Variants in ARHGEF3 observed in about 807,000 individuals in gnomAD.
ARHGEF3 encodes the protein Rho guanine nucleotide exchange factor 3.
Under a neutral mutation model 63.2 loss-of-function variants are expected in ARHGEF3, and 28 were observed. The observed-to-expected ratio is 0.44, with a 90% CI of 0.33 to 0.61. The LOEUF is 0.61. Among genes scored for constraint, ARHGEF3 ranks in the 20% least tolerant of loss-of-function variants. The probability of loss-of-function intolerance (pLI) is 0.03; values close to 1 mark genes in which losing one functional copy is unlikely to be tolerated. For synonymous variants in ARHGEF3, 266 were observed against 254.2 expected, an observed-to-expected ratio of 1.05 and a Z score of -0.44; for missense variants, 533 against 659.3, an observed-to-expected ratio of 0.81 and a Z score of 2.10.
chr3:56,901,749 A>G (rs969207905), intron 3 of ARHGEF3, among the ~76,000 whole-genome samples: 2 of 151,774 alleles, frequency 1.3e-5, no homozygotes, highest in African/African-American at 4.8e-5. Flanking sequence ...ATACCCCACT[A>G]ATTTTTTTAT....
intron 8 of ARHGEF3, among the ~76,000 whole-genome samples, chr3:56,733,197 G>A (rs987785568): frequency 6.7e-6 from 1 of 149,494 alleles, no homozygotes; most frequent in African/African-American, 2.5e-5. Flanking sequence ...GCAGGAGAAT[G>A]ACATGAACCC....
At chr3:56,939,369 G>A (rs755394661) in intron 3 of ARHGEF3, among the ~76,000 whole-genome samples, 113 of 152,268 alleles carry the variant, frequency 7.4e-4, no homozygotes, top group Non-Finnish European at 1.3e-3. Flanking sequence ...TTTGGAGGTA[G>A]CAAGATCACT....
In ARHGEF3 at chr3:56,748,551, T is replaced by A. The variant is rs769741537; in HGVS notation, c.612+2505A>T. Among the ~76,000 whole-genome samples the A allele has an allele frequency of 3.9e-3, 131 of 33,372 alleles. 1 individual carries two copies. The African/African-American group carries it at 0.052, about 13-fold the overall frequency. 21.9% of individuals were successfully genotyped at this position (33,372 alleles called of 152,430 possible). On this transcript the variant is annotated intron_variant, in intron 6 of 9. Transcript: ENST00000296315. ...CCCCTAATATTGTGAAAAAATCTAT[T>A]TTTTTTTTTTTTTTTGCTTCCATGT...
At chr3:56,930,183 G>A (rs1304113313) in intron 3 of ARHGEF3, among the ~76,000 whole-genome samples, 2 of 151,832 alleles carry the variant, frequency 1.3e-5, no homozygotes, top group Non-Finnish European at 2.9e-5. Flanking sequence ...GGCTGGAGTT[G>A]GCTGTCCTGT....
intron 4 of ARHGEF3, among the ~76,000 whole-genome samples, chr3:56,816,735 G>C (rs891374021): frequency 1.3e-5 from 2 of 152,214 alleles, no homozygotes; most frequent in African/African-American, 4.8e-5. Flanking sequence ...CTTGCCCAAA[G>C]TCACACAGCT....
chr3:56,751,177 T>C (rs1453967851), intron 5 of ARHGEF3, 45 bp from the exon 6 acceptor site: 1 of 1,594,718 alleles, frequency 6.3e-7, no homozygotes, highest in Non-Finnish European at 8.6e-7. Context: ...CATTCAAATA[T>C]GAACAGGGCT....
intron 2 of ARHGEF3, among the ~76,000 whole-genome samples, chr3:56,970,379 A>G (rs9874166): frequency 0.87 from 132,450 of 152,154 alleles, 59,645 homozygotes; most frequent in Non-Finnish European, 0.99. Context: ...GAGAAAATTC[A>G]GTAAATAAGC....
chr3:56,896,899 T>G (rs1171362126), intron 3 of ARHGEF3, among the ~76,000 whole-genome samples: 1 of 152,230 alleles, frequency 6.6e-6, no homozygotes, highest in Admixed American at 6.5e-5. Context: ...TGGCTTAGAC[T>G]ATTTAGTTGA....
intron 2 of ARHGEF3, among the ~76,000 whole-genome samples, chr3:56,961,076 G>A (rs903810293): frequency 6.6e-6 from 1 of 152,124 alleles, no homozygotes; most frequent in African/African-American, 2.4e-5. Context: ...TTCAATTACA[G>A]ATGTGCCCAG....
intron 2 of ARHGEF3, among the ~76,000 whole-genome samples, chr3:57,031,810 T>A (rs1327627602): frequency 6.6e-6 from 1 of 152,146 alleles, no homozygotes; most frequent in Non-Finnish European, 1.5e-5. Flanking sequence ...AAGAGGTAGC[T>A]GTGATGCTGT....
chr3:56,812,748 T>A (rs79799846), intron 4 of ARHGEF3, among the ~76,000 whole-genome samples: 5,334 of 152,324 alleles, frequency 0.035, 305 homozygotes, highest in African/African-American at 0.12. Context: ...TCAAGGCTGA[T>A]GATAAATTAT....
At chr3:56,754,166 G>A (rs1458715949) in intron 3 of ARHGEF3, among the ~76,000 whole-genome samples, 1 of 152,176 alleles carries the variant, frequency 6.6e-6, no homozygotes, top group South Asian at 2.1e-4. Flanking sequence ...AATTATAGGC[G>A]CTGGCTGTGT....
intron 2 of ARHGEF3, among the ~76,000 whole-genome samples, chr3:56,992,435 C>T (rs1701800777): frequency 7.0e-6 from 1 of 142,394 alleles, no homozygotes; most frequent in Non-Finnish European, 1.5e-5. Context: ...GTCATGTGGC[C>T]TCCAGCATCT....
intron 2 of ARHGEF3, among the ~76,000 whole-genome samples, chr3:56,992,902 C>T (rs570140929): frequency 2.0e-5 from 3 of 152,138 alleles, no homozygotes; most frequent in Non-Finnish European, 2.9e-5. Context: ...GGCGCTATCT[C>T]GGCTCACTGC....
chr3:56,993,277 C>T (rs981780128), intron 2 of ARHGEF3, among the ~76,000 whole-genome samples: 1 of 152,202 alleles, frequency 6.6e-6, no homozygotes, highest in African/African-American at 2.4e-5. Flanking sequence ...TTTTTGCTCT[C>T]TTTCCTGGCA....
At position 56,967,806 on chromosome 3, in the gene ARHGEF3, AAT is replaced by A. The variant is rs1261905451; in HGVS notation, c.63-8919_63-8918del. The stretch of plus-strand genomic sequence containing the variant: ...TATGATTATATATTACATATTATAT[AAT>A]ATATATTATATAATATAATATATAT... On this transcript the variant is annotated intron_variant, in intron 2 of 12. Coordinates refer to the ARHGEF3 transcript ENST00000338458. Among the ~76,000 whole-genome samples, 50 of 68,900 alleles carry A rather than the reference AAT, an allele frequency of 7.3e-4. No homozygotes were observed. The East Asian group carries it at 0.017, about 24-fold the overall frequency. 45.2% of individuals were successfully genotyped at this position (68,900 alleles called of 152,430 possible).
intron 3 of ARHGEF3, among the ~76,000 whole-genome samples, chr3:56,932,972 T>C (rs1450680881): frequency 6.6e-6 from 1 of 152,214 alleles, no homozygotes; most frequent in Non-Finnish European, 1.5e-5. Flanking sequence ...GAGAGGAATG[T>C]AGTCATTTGT....
chr3:57,055,675 G>A (rs1010338722), intron 1 of ARHGEF3, among the ~76,000 whole-genome samples: 1 of 152,024 alleles, frequency 6.6e-6, no homozygotes, highest in African/African-American at 2.4e-5. Context: ...CACAAACCAG[G>A]CACACAAAAA....
chr3:56,829,167 C>T (rs1300312597), intron 4 of ARHGEF3, among the ~76,000 whole-genome samples: 1 of 152,144 alleles, frequency 6.6e-6, no homozygotes, highest in African/African-American at 2.4e-5. Context: ...CTCAAGTGAT[C>T]TTCCCACCTC....
Sources: allele counts gnomAD v4.1 joint callset (sites outside exome capture counted in the v4.1 genomes callset), GRCh38; gene constraint gnomAD v4.1.1; transcripts MANE v1.5; gene names NCBI Gene and HGNC (gene_info 2026-07-23, HGNC 2026-07-21).